The following COQ8B variants were observed in gnomAD, a reference collection of about 807,000 sequenced individuals.
COQ8B encodes the protein coenzyme Q8B.
COQ8B carries 44 observed loss-of-function variants against 62.0 expected under a neutral mutation model. The ratio of observed to expected loss-of-function variants is 0.71; its 90% confidence interval spans 0.56 to 0.91. COQ8B has a LOEUF of 0.91. Among genes scored for constraint, COQ8B ranks in the 40% least tolerant of loss-of-function variants. The probability of loss-of-function intolerance (pLI) is 0.00; values close to 1 mark genes in which losing one functional copy is unlikely to be tolerated. For synonymous variants in COQ8B, 252 were observed against 289.9 expected, an observed-to-expected ratio of 0.87 and a Z score of 1.33; for missense variants, 649 against 731.6, an observed-to-expected ratio of 0.89 and a Z score of 1.30.
intron 5 of COQ8B, among the ~76,000 whole-genome samples, chr19:40,706,770 TCA>T (rs1330272463): frequency 6.6e-6 from 1 of 152,192 alleles, no homozygotes; most frequent in Non-Finnish European, 1.5e-5. Context: ...TAAAAATTTC[TCA>T]GTTTTAATTT....
intron 13 of COQ8B, among the ~76,000 whole-genome samples, chr19:40,694,595 T>C (rs1008624118): frequency 6.6e-6 from 1 of 152,096 alleles, no homozygotes; most frequent in South Asian, 2.1e-4. Flanking sequence ...TGTCAGAACA[T>C]AGCATCTTAC....
chr19:40,707,560 C>T (rs1216512176), intron 5 of COQ8B, among the ~76,000 whole-genome samples: 1 of 151,990 alleles, frequency 6.6e-6, no homozygotes, highest in Non-Finnish European at 1.5e-5. Flanking sequence ...AAGCAATTCT[C>T]CTGCCTTACC....
At chr19:40,713,988 A>G in intron 4 of COQ8B, 79 bp downstream of exon 4, 1 of 1,471,422 alleles carries the variant, frequency 6.8e-7, no homozygotes, top group Non-Finnish European at 9.5e-7. Flanking sequence ...TCTCTGATTC[A>G]TCCTCTCCCT....
chr19:40,692,047 C>T lies in COQ8B; in HGVS notation c.1623G>A (p.Val541=). 1.2e-6 allele frequency: 2 copies of T among 1,602,138 alleles called. No homozygotes were observed. Among genetic ancestry groups the T allele is most frequent in the Non-Finnish European group, 1.7e-6 (2 of 1,174,558 alleles). Residue 541 remains valine, a synonymous_variant, in exon 15 of 15, where the codon GTG becomes GTA. Coordinates refer to ENST00000324464, the MANE Select transcript of COQ8B (RefSeq NM_024876.4). ...CCCATGGAGGCTGTCATGAGGGATC[C>T]ACCCAGGAGTCCCCTTTGGTGGGGA... ...GSLPTKGDSW[V]DPS
rs370232989 is a variant in COQ8B, at chr19:40,713,372, C to T, written c.289+695G>A. On this transcript the variant is annotated intron_variant, in intron 4 of 14. Transcript: ENST00000324464. ...CCACTGCCTGACAAACATGGTGAAA[C>T]CCCGTCTCTACTAAAAATACAAAAA... is the stretch of plus-strand genomic sequence containing the variant. 2.4e-4 allele frequency among the ~76,000 whole-genome samples: 36 copies of T among 152,226 alleles called. No homozygotes were observed. The East Asian group carries it at 3.9e-3, about 16-fold the overall frequency.
intron 13 of COQ8B, among the ~76,000 whole-genome samples, chr19:40,693,978 G>C (rs1235505116): frequency 6.6e-6 from 1 of 152,166 alleles, no homozygotes; most frequent in African/African-American, 2.4e-5. Flanking sequence ...CTGGCCATCT[G>C]TCAGGCCTGT....
chr19:40,697,851 T>TTG (rs2082028001), intron 12 of COQ8B, among the ~76,000 whole-genome samples: 1 of 54,760 alleles, frequency 1.8e-5, no homozygotes, highest in Non-Finnish European at 3.1e-5. Context: ...TATATATATA[T>TTG]AGAGAGAGAG....
At position 40,692,365 on chromosome 19, in the gene COQ8B, G is replaced by A. The variant is rs139130454; in HGVS notation, c.1305C>T (p.Ser435=). 3.6e-3 allele frequency: 5,742 copies of A among 1,613,078 alleles called. 28 individuals are homozygous for A. Among genetic ancestry groups the A allele is most frequent in the Non-Finnish European group, 3.9e-3 (4,596 of 1,179,766 alleles). ...FLTGFETKAF[S]DAHVEAVMIL... is the part of the protein sequence containing the mutation. Reference sequence around the variant, plus strand: ...TCATCACTGCCTCCACGTGGGCGTCGGAGAATGCCTGGGAGTGGGGGTGGG... The same window carrying A: ...TCATCACTGCCTCCACGTGGGCGTCAGAGAATGCCTGGGAGTGGGGGTGGG... The change falls in exon 15 of 15, where the codon TCC becomes TCT. Residue 435 remains serine (S), a synonymous_variant. Coordinates refer to ENST00000324464, the MANE Select transcript of COQ8B (RefSeq NM_024876.4).
chr19:40,705,398 G>A lies in COQ8B; in HGVS notation c.417C>T (p.Ala139=), dbSNP rs774110193. Residue 139 remains alanine (A), a synonymous_variant, in exon 6 of 15, where the codon GCC becomes GCT. Coordinates refer to ENST00000324464, the MANE Select transcript of COQ8B (RefSeq NM_024876.4). ...TACATAAGGTCTGCACAATCCGCTC[G>A]GCATTGGCCTCCGACAGGAAGGGGC... is the stretch of plus-strand genomic sequence containing the variant. ...DSSPFLSEAN[A]ERIVQTLCTV... is the part of the protein sequence containing the mutation. 17 of 1,594,362 alleles carry A rather than the reference G, an allele frequency of 1.1e-5. No individual in the cohort carries two copies. The highest frequency in any genetic ancestry group is 1.7e-5 in the Admixed American group (1 of 59,110).
rs187573240 is a variant in COQ8B, at chr19:40,704,784, T to G, written c.576+312A>C. ...ATAATCACAGCTAACACCTGCATGT[T>G]GCTCACAGTGAATCAGGGGCCGTTC... On this transcript the variant is annotated intron_variant, in intron 7 of 14. Coordinates refer to ENST00000324464, the MANE Select transcript of COQ8B (RefSeq NM_024876.4). 1.7e-3 allele frequency: 455 copies of G among 270,392 alleles called. 1 individual carries two copies. The highest frequency in any genetic ancestry group is 9.4e-3 in the African/African-American group (432 of 45,892). The allele number at this position is 270,392 out of a possible 1,614,324, so 16.7% of individuals were successfully genotyped here.
At chr19:40,696,840 T>A (rs1292696911) in intron 12 of COQ8B, among the ~76,000 whole-genome samples, 1 of 152,184 alleles carries the variant, frequency 6.6e-6, no homozygotes, top group Non-Finnish European at 1.5e-5. Flanking sequence ...CTGTAAACAA[T>A]CTAGAGTAAT....
chr19:40,708,005 G>A (rs2082113784), intron 5 of COQ8B: 1 of 152,100 alleles, frequency 6.6e-6, no homozygotes, highest in Non-Finnish European at 1.5e-5. Context: ...GTGTACCTGG[G>A]TTTATATGCA....
At position 40,708,989 on chromosome 19, in the gene COQ8B, C is replaced by A. The variant is rs563513179; in HGVS notation, c.367+1070G>T. Among the ~76,000 whole-genome samples, 192 of 152,044 alleles carry A rather than the reference C, an allele frequency of 1.3e-3. 1 individual carries two copies. Among genetic ancestry groups the A allele is most frequent in the African/African-American group, 4.5e-3 (186 of 41,498 alleles). On this transcript the variant is annotated intron_variant, in intron 5 of 14. Transcript: ENST00000324464. ...AAAGTTGCATGCATAATATCGTGAACACCTGCACACCCGCACACCCTCCAC... is the reference window on the plus strand; with the variant it reads ...AAAGTTGCATGCATAATATCGTGAAAACCTGCACACCCGCACACCCTCCAC...
rs1481731248 is a variant in COQ8B at position 40,714,571 on chromosome 19, C to G, written c.62G>C (p.Gly21Ala). The G allele has an allele frequency of 6.2e-7, 1 of 1,613,514 alleles. No individual in the cohort carries two copies. Among genetic ancestry groups the G allele is most frequent in the Admixed American group, 1.7e-5 (1 of 59,822 alleles). Residue 21 changes from glycine (G) to alanine (A), a missense_variant, in exon 2 of 15, where the codon GGT (glycine) becomes GCT (alanine). By Grantham distance (60) the Gly-to-Ala change is moderately conservative. Coordinates refer to ENST00000324464, the MANE Select transcript of COQ8B (RefSeq NM_024876.4). ...AGGCCCCAGGGCCCCACAAGGCCAA[C>G]CAACAGTCTGGCCCAGCTGTCCACC... ...GTGGQLGQTV[G>A]WPCGALGPGP... is the part of the protein sequence containing the mutation.
intron 12 of COQ8B, among the ~76,000 whole-genome samples, chr19:40,698,848 C>A (rs2082039302): frequency 6.6e-6 from 1 of 152,116 alleles, no homozygotes; most frequent in Non-Finnish European, 1.5e-5. Flanking sequence ...AAACAGTTGG[C>A]AACCCCTGAT....
intron 7 of COQ8B, chr19:40,704,082 C>A: frequency 1.9e-6 from 1 of 525,762 alleles, no homozygotes. Flanking sequence ...CCTGTGTCCC[C>A]TGAACCTGGA....
intron 9 of COQ8B, 70 bp from the exon 10 acceptor site, chr19:40,702,763 C>G: frequency 7.1e-7 from 1 of 1,407,000 alleles, no homozygotes; most frequent in Non-Finnish European, 9.9e-7. Flanking sequence ...TCCTGCCAAC[C>G]CTCTCTCTCC....
At chr19:40,698,885 T>C (rs2082039510) in intron 12 of COQ8B, among the ~76,000 whole-genome samples, 1 of 152,036 alleles carries the variant, frequency 6.6e-6, no homozygotes, top group South Asian at 2.1e-4. Context: ...CCACCAACAC[T>C]CAAGTCTGCA....
chr19:40,705,583 C>T, intron 5 of COQ8B, 136 bp from the exon 6 acceptor site: 2 of 873,038 alleles, frequency 2.3e-6, no homozygotes, highest in South Asian at 6.3e-5. Flanking sequence ...CCAGTCTGGG[C>T]AACAGTGACA....
Sources: gnomAD v4.1 joint callset for allele counts (sites outside exome capture counted in the v4.1 genomes callset) on GRCh38, gnomAD v4.1.1 for gene constraint, MANE v1.5 for transcripts, NCBI Gene and HGNC (gene_info 2026-07-23, HGNC 2026-07-21) for gene names.